The following B3GALT1 variants were observed in gnomAD, a reference collection of about 807,000 sequenced individuals.
B3GALT1 encodes UDP-Gal:betaGlcNAc beta 1,3-galactosyltransferase, polypeptide 1.
A neutral mutation model predicts 23.2 loss-of-function variants in B3GALT1; 10 were observed. That is an observed-to-expected ratio of 0.43 (90% CI 0.27 to 0.73). The LOEUF is 0.73. Ranked by LOEUF, B3GALT1 falls within the 30% of genes least tolerant of loss-of-function variation. The pLI is 0.21. For synonymous variants in B3GALT1, 156 were observed against 141.5 expected, an observed-to-expected ratio of 1.10 and a Z score of -0.73; for missense variants, 299 against 405.4, an observed-to-expected ratio of 0.74 and a Z score of 2.25.
intron 2 of B3GALT1, among the ~76,000 whole-genome samples, chr2:167,568,231 C>T (rs2105398009): frequency 6.6e-6 from 1 of 152,120 alleles, no homozygotes; most frequent in Admixed American, 6.5e-5. Flanking sequence ...TGAGTAATTA[C>T]CAATGAGCAT....
At chr2:167,361,427 TAAAG>T (rs1186453639) in intron 1 of B3GALT1, among the ~76,000 whole-genome samples, 2 of 152,110 alleles carry the variant, frequency 1.3e-5, no homozygotes, top group Non-Finnish European at 2.9e-5. Flanking sequence ...AAAATGTTAT[TAAAG>T]AAACAATCAG....
chr2:167,601,397 C>T (rs1684875544), intron 2 of B3GALT1, among the ~76,000 whole-genome samples: 1 of 152,220 alleles, frequency 6.6e-6, no homozygotes, highest in African/African-American at 2.4e-5. Context: ...ATTACATTCC[C>T]TCTTTGCCTC....
chr2:167,447,958 C>G (rs1699026895), intron 1 of B3GALT1, among the ~76,000 whole-genome samples: 1 of 152,180 alleles, frequency 6.6e-6, no homozygotes. Flanking sequence ...GAGCTGTAGA[C>G]TGGAGCTGTT....
chr2:167,531,728 A>G (rs1190935298), intron 2 of B3GALT1, among the ~76,000 whole-genome samples: 6 of 152,312 alleles, frequency 3.9e-5, no homozygotes. Flanking sequence ...CGTGTTAACT[A>G]TACTCTATAA....
chr2:167,599,219 A>T (rs1283499153), intron 2 of B3GALT1, among the ~76,000 whole-genome samples: 1 of 152,204 alleles, frequency 6.6e-6, no homozygotes, highest in African/African-American at 2.4e-5. Context: ...TGATTCAGAG[A>T]TTACTAAAAC....
chr2:167,414,771 T>C (rs1001021068), intron 1 of B3GALT1, among the ~76,000 whole-genome samples: 7 of 152,206 alleles, frequency 4.6e-5, no homozygotes, highest in Admixed American at 6.5e-5. Flanking sequence ...TTTGCAGTAA[T>C]ATGGATTCAT....
chr2:167,298,151 A>G (rs1478775480), intron 1 of B3GALT1, among the ~76,000 whole-genome samples: 1 of 152,166 alleles, frequency 6.6e-6, no homozygotes, highest in Non-Finnish European at 1.5e-5. Context: ...GAAACTGTTA[A>G]TGAGAGCTAA....
At chr2:167,459,967 G>T (rs1699231440) in intron 1 of B3GALT1, among the ~76,000 whole-genome samples, 1 of 152,014 alleles carries the variant, frequency 6.6e-6, no homozygotes, top group Admixed American at 6.6e-5. Flanking sequence ...ATTCTGGTGA[G>T]AAATCTACCA....
At chr2:167,573,161 A>G (rs1174787783) in intron 2 of B3GALT1, among the ~76,000 whole-genome samples, 1 of 151,740 alleles carries the variant, frequency 6.6e-6, no homozygotes, top group African/African-American at 2.4e-5. Context: ...CCAAGGTTGT[A>G]AAGAGATAGA....
rs535249037 is a variant in B3GALT1 at position 167,549,994 on chromosome 2, A to C, written c.-410+59717A>C. Among the ~76,000 whole-genome samples, 13 of 152,274 alleles carry C rather than the reference A, an allele frequency of 8.5e-5. No homozygotes were observed. The South Asian group carries it at 2.7e-3, about 32-fold the overall frequency. ...ATATTTTTTAAGGTTTTTAGTTTTC[A>C]GGTCTCAATTTCCAATTCTAGTTTT... is the stretch of plus-strand genomic sequence containing the variant. On this transcript the variant is annotated intron_variant, in intron 2 of 4. Transcript: ENST00000392690.
intron 1 of B3GALT1, among the ~76,000 whole-genome samples, chr2:167,409,828 G>A (rs1191251205): frequency 6.6e-6 from 1 of 151,944 alleles, no homozygotes; most frequent in Admixed American, 6.6e-5. Context: ...CACTCTTGGT[G>A]GGAGTGTAAA....
intron 3 of B3GALT1, among the ~76,000 whole-genome samples, chr2:167,758,521 C>T (rs1468543460): frequency 6.6e-6 from 1 of 152,150 alleles, no homozygotes; most frequent in East Asian, 1.9e-4. Flanking sequence ...AAGGACACAT[C>T]AGCACCTCTG....
intron 1 of B3GALT1, among the ~76,000 whole-genome samples, chr2:167,464,536 A>T (rs1467240293): frequency 6.6e-6 from 1 of 152,210 alleles, no homozygotes; most frequent in Non-Finnish European, 1.5e-5. Context: ...TCTGTTTAGT[A>T]GAATCAGAAT....
At chr2:167,544,622 G>C (rs1297958033) in intron 2 of B3GALT1, among the ~76,000 whole-genome samples, 2 of 152,076 alleles carry the variant, frequency 1.3e-5, no homozygotes, top group Non-Finnish European at 1.5e-5. Flanking sequence ...AGATAACAGC[G>C]TTAACCACAA....
intron 2 of B3GALT1, among the ~76,000 whole-genome samples, chr2:167,555,067 T>C (rs748451912): frequency 4.6e-5 from 7 of 152,206 alleles, no homozygotes; most frequent in Non-Finnish European, 8.8e-5. Flanking sequence ...GTAATAGACT[T>C]ATATTTCAGC....
At chr2:167,724,578 AC>A (rs1196033483) in intron 3 of B3GALT1, among the ~76,000 whole-genome samples, 3 of 152,330 alleles carry the variant, frequency 2.0e-5, no homozygotes, top group African/African-American at 7.2e-5. Flanking sequence ...ATATTTATCA[AC>A]ATTTACCATG....
In B3GALT1 at chr2:167,366,116, G is replaced by A. The variant is rs1165369719; in HGVS notation, c.-511+72782G>A. ...AGAGACTAATAATTTTGAAATACTT[G>A]TAATTTATTCTCTGAAATTAAAATT... On this transcript the variant is annotated intron_variant, in intron 1 of 4. Transcript: ENST00000392690. 2.0e-5 allele frequency among the ~76,000 whole-genome samples: 3 copies of A among 152,178 alleles called. No individual in the cohort carries two copies. The South Asian group carries it at 6.2e-4, about 31-fold the overall frequency.
At chr2:167,787,400 T>C (rs1271529031) in intron 3 of B3GALT1, among the ~76,000 whole-genome samples, 1 of 152,134 alleles carries the variant, frequency 6.6e-6, no homozygotes, top group Non-Finnish European at 1.5e-5. Context: ...ATGAACAAAC[T>C]GAATAAGTAG....
chr2:167,617,484 C>T (rs898049557), intron 2 of B3GALT1, among the ~76,000 whole-genome samples: 5 of 151,956 alleles, frequency 3.3e-5, no homozygotes, highest in South Asian at 2.1e-4. Context: ...ATTCCACTCC[C>T]GCCTATACAG....
Sources: allele counts gnomAD v4.1 joint callset (sites outside exome capture counted in the v4.1 genomes callset), GRCh38; gene constraint gnomAD v4.1.1; transcripts MANE v1.5; gene names NCBI Gene and HGNC (gene_info 2026-07-23, HGNC 2026-07-21).